The following ADAMTS17 variants were observed in gnomAD, a reference collection of about 807,000 sequenced individuals.
ADAMTS17 encodes A disintegrin and metalloproteinase with thrombospondin motifs 17.
ADAMTS17 carries 113 observed loss-of-function variants against 141.5 expected under a neutral mutation model. The observed-to-expected ratio is 0.80, with a 90% CI of 0.69 to 0.93. The LOEUF is 0.93. Among genes scored for constraint, ADAMTS17 ranks in the 40% least tolerant of loss-of-function variants. The probability of loss-of-function intolerance (pLI) is 0.00; values close to 1 mark genes in which losing one functional copy is unlikely to be tolerated. For synonymous variants in ADAMTS17, 768 were observed against 630.6 expected (o/e 1.22, Z -3.27); for missense variants, 1,659 against 1,517.9 (o/e 1.09, Z -1.54).
intron 15 of ADAMTS17, among the ~76,000 whole-genome samples, chr15:100,059,790 G>C (rs1460097719): frequency 1.3e-5 from 2 of 152,178 alleles, no homozygotes; most frequent in Non-Finnish European, 2.9e-5. Context: ...GTCTGCAAAG[G>C]CCTATGAGGC....
intron 18 of ADAMTS17, among the ~76,000 whole-genome samples, chr15:100,002,468 T>G (rs12903458): frequency 0.49 from 73,850 of 151,646 alleles, 18,975 homozygotes; most frequent in Non-Finnish European, 0.57. Flanking sequence ...GCGACTCTGG[T>G]TGACACAGAG....
intron 4 of ADAMTS17, among the ~76,000 whole-genome samples, chr15:100,272,362 A>C (rs987925093): frequency 2.6e-5 from 4 of 151,972 alleles, no homozygotes; most frequent in Admixed American, 6.6e-5. Flanking sequence ...TGTCTTCTTT[A>C]ATTTCCTTCA....
At chr15:100,032,025 G>C (rs1195909657) in intron 18 of ADAMTS17, among the ~76,000 whole-genome samples, 2 of 152,192 alleles carry the variant, frequency 1.3e-5, no homozygotes, top group Admixed American at 6.5e-5. Flanking sequence ...CGCGGCACTT[G>C]GTACAGGTAG....
intron 14 of ADAMTS17, among the ~76,000 whole-genome samples, chr15:100,103,912 C>G (rs190878171): frequency 4.9e-4 from 74 of 152,272 alleles, no homozygotes; most frequent in African/African-American, 1.8e-3. Flanking sequence ...TTCCTCTGGG[C>G]CAGTGTATAG....
intron 15 of ADAMTS17, among the ~76,000 whole-genome samples, chr15:100,064,106 G>A (rs1359531829): frequency 6.6e-6 from 1 of 151,372 alleles, no homozygotes; most frequent in African/African-American, 2.5e-5. Flanking sequence ...CAAAATGACT[G>A]ATGTCCTTAT....
rs13380270 is a variant in ADAMTS17, at chr15:100,302,542, G to A, written c.617-21141C>T. The stretch of plus-strand genomic sequence containing the variant: ...TCTCAACAGCAGTCTATGAGAATTC[G>A]AAATCCTTGCCAACATTTGCTATCT... On this transcript the variant is annotated intron_variant, in intron 3 of 21. Transcript: ENST00000268070. Among the ~76,000 whole-genome samples the A allele has an allele frequency of 8.9e-3, 1,360 of 152,248 alleles. 18 individuals carry two copies. Among genetic ancestry groups the A allele is most frequent in the African/African-American group, 0.031 (1,305 of 41,544 alleles).
intron 18 of ADAMTS17, among the ~76,000 whole-genome samples, chr15:100,003,681 G>A (rs2060975624): frequency 6.6e-6 from 1 of 152,084 alleles, no homozygotes; most frequent in Non-Finnish European, 1.5e-5. Flanking sequence ...TGCATACAAG[G>A]GAATATTATT....
intron 15 of ADAMTS17, among the ~76,000 whole-genome samples, chr15:100,086,217 C>T (rs13379634): frequency 0.33 from 49,688 of 151,680 alleles, 10,419 homozygotes; most frequent in East Asian, 0.59. Flanking sequence ...ATAAAACAGA[C>T]TTTAAACCAA....
At chr15:100,002,069 T>G (rs1400356630) in intron 18 of ADAMTS17, among the ~76,000 whole-genome samples, 1 of 150,782 alleles carries the variant, frequency 6.6e-6, no homozygotes, top group Non-Finnish European at 1.5e-5. Flanking sequence ...AGACTCTGAC[T>G]TCATCAATGT....
At chr15:100,224,740 G>A (rs748245529) in intron 7 of ADAMTS17, among the ~76,000 whole-genome samples, 2 of 152,176 alleles carry the variant, frequency 1.3e-5, no homozygotes, top group African/African-American at 4.8e-5. Context: ...TGCACTGACC[G>A]CACCAGGCAT....
rs1471225071 is a variant in ADAMTS17 at position 100,053,458 on chromosome 15, T to G, written c.2295+439A>C. 2.6e-5 allele frequency among the ~76,000 whole-genome samples: 4 copies of G among 152,166 alleles called. No individual in the cohort carries two copies. In the East Asian group the frequency reaches 7.7e-4, roughly 29 times the overall value. On this transcript the variant is annotated intron_variant, in intron 16 of 21. Coordinates refer to ENST00000268070, the MANE Select transcript of ADAMTS17 (RefSeq NM_139057.4). ...GTCTGTGAAACCTGAGGGATTCCAG[T>G]TCGGACCTGGAGTCATAGTTCATTT... is the stretch of plus-strand genomic sequence containing the variant.
At chr15:100,174,030 T>C (rs1036965288) in intron 8 of ADAMTS17, among the ~76,000 whole-genome samples, 17 of 152,192 alleles carry the variant, frequency 1.1e-4, no homozygotes, top group Admixed American at 9.8e-4. Context: ...CTACCTGCCT[T>C]ACTGGAAAAC....
chr15:100,131,631 C>T (rs911736447), intron 12 of ADAMTS17, among the ~76,000 whole-genome samples: 1 of 152,190 alleles, frequency 6.6e-6, no homozygotes, highest in African/African-American at 2.4e-5. Flanking sequence ...CACTCTGTGA[C>T]TCATGAACCA....
At chr15:100,288,016 G>A (rs768602770) in intron 3 of ADAMTS17, among the ~76,000 whole-genome samples, 1 of 152,174 alleles carries the variant, frequency 6.6e-6, no homozygotes, top group Non-Finnish European at 1.5e-5. Flanking sequence ...ATCGATATTA[G>A]CTTTGAATAT....
chr15:100,033,466 G>A (rs76827215), intron 18 of ADAMTS17, among the ~76,000 whole-genome samples: 4,541 of 152,288 alleles, frequency 0.03, 120 homozygotes, highest in African/African-American at 0.07. Context: ...CATTCTAGCT[G>A]AGAGCAGAAT....
chr15:100,007,417 CTT>C (rs34259452), intron 18 of ADAMTS17, among the ~76,000 whole-genome samples: 91 of 146,488 alleles, frequency 6.2e-4, no homozygotes, highest in East Asian at 8.1e-4. Context: ...TGGTAGAAGA[CTT>C]TTTTTTTTTT....
chr15:99,990,011 A>C (rs12916269), intron 20 of ADAMTS17, among the ~76,000 whole-genome samples: 1 of 151,956 alleles, frequency 6.6e-6, no homozygotes, highest in Admixed American at 6.6e-5. Flanking sequence ...TCAGCCCCTT[A>C]ATGTCTCTAT....
At chr15:100,201,795 T>G (rs1377530370) in intron 7 of ADAMTS17, among the ~76,000 whole-genome samples, 2 of 152,220 alleles carry the variant, frequency 1.3e-5, no homozygotes, top group Non-Finnish European at 2.9e-5. Flanking sequence ...GGATGTGATG[T>G]GGTTTCTCGG....
chr15:100,108,196 G>A (rs946175282), intron 14 of ADAMTS17, among the ~76,000 whole-genome samples: 5 of 151,632 alleles, frequency 3.3e-5, no homozygotes, highest in African/African-American at 9.7e-5. Flanking sequence ...CCCCGAGACG[G>A]AGTCTTGCTT....
Sources: gnomAD v4.1 joint callset for allele counts (sites outside exome capture counted in the v4.1 genomes callset) on GRCh38, gnomAD v4.1.1 for gene constraint, MANE v1.5 for transcripts, NCBI Gene and HGNC (gene_info 2026-07-23, HGNC 2026-07-21) for gene names.